The following NTRK2 variants were observed in gnomAD, a reference collection of about 807,000 sequenced individuals.
NTRK2 encodes the protein neurotrophic receptor tyrosine kinase 2.
A neutral mutation model predicts 94.5 loss-of-function variants in NTRK2; 13 were observed. That is an observed-to-expected ratio of 0.14 (90% confidence interval 0.09 to 0.22). The LOEUF (loss-of-function observed/expected upper bound fraction) is 0.22. Among genes scored for constraint, NTRK2 ranks in the 10% least tolerant of loss-of-function variants. The pLI is 1.00. For synonymous variants in NTRK2, 372 were observed against 407.4 expected (o/e 0.91, Z 1.05); for missense variants, 639 against 1,071.2 (o/e 0.60, Z 5.63).
intron 14 of NTRK2, among the ~76,000 whole-genome samples, chr9:84,912,654 T>C (rs1444751110): frequency 2.1e-5 from 3 of 145,288 alleles, no homozygotes; most frequent in Non-Finnish European, 4.5e-5. Flanking sequence ...AGTCTCACTC[T>C]GTCACCCAGG....
intron 9 of NTRK2, 52 bp downstream of exon 9, chr9:84,728,011 C>G: frequency 6.5e-7 from 1 of 1,541,114 alleles, no homozygotes; most frequent in African/African-American, 1.4e-5. Context: ...CTATCATTCA[C>G]CTGTTGACAA....
chr9:84,703,707 G>T (rs907623476), intron 4 of NTRK2, among the ~76,000 whole-genome samples: 3 of 152,170 alleles, frequency 2.0e-5, no homozygotes, highest in African/African-American at 4.8e-5. Flanking sequence ...TGGCATTAAT[G>T]ATGAAGTCAC....
At chr9:84,954,331 C>T (rs1823840320) in intron 16 of NTRK2, among the ~76,000 whole-genome samples, 1 of 152,166 alleles carries the variant, frequency 6.6e-6, no homozygotes, top group Non-Finnish European at 1.5e-5. Flanking sequence ...GAGCCTGCCG[C>T]GCTGAGGGCG....
At chr9:84,810,982 TA>T (rs903841770) in intron 12 of NTRK2, 149 of 1,110,684 alleles carry the variant, frequency 1.3e-4, no homozygotes, top group South Asian at 4.5e-4. Flanking sequence ...CCTGCAAAGT[TA>T]AAAAAAAATT....
intron 12 of NTRK2, among the ~76,000 whole-genome samples, chr9:84,818,663 CT>C (rs2072583430): frequency 6.6e-6 from 1 of 152,206 alleles, no homozygotes; most frequent in African/African-American, 2.4e-5. Flanking sequence ...GATGGATTTG[CT>C]GTTTTTTATT....
At chr9:84,729,048 TG>T (rs2062657397) in intron 9 of NTRK2, among the ~76,000 whole-genome samples, 1 of 152,140 alleles carries the variant, frequency 6.6e-6, no homozygotes, top group African/African-American at 2.4e-5. Context: ...AATAGAACCC[TG>T]GGGAGACTTG....
At chr9:84,724,452 TA>T (rs1267888340) in intron 8 of NTRK2, 96 bp downstream of exon 8, 5 of 1,429,654 alleles carry the variant, frequency 3.5e-6, no homozygotes, top group South Asian at 2.3e-5. Flanking sequence ...TTAAATTTGT[TA>T]AAAAAAGTAT....
intron 12 of NTRK2, among the ~76,000 whole-genome samples, chr9:84,789,749 C>T (rs901073122): frequency 2.6e-5 from 4 of 152,088 alleles, no homozygotes; most frequent in East Asian, 1.9e-4. Context: ...GCCCTCTGGC[C>T]GCAGAGATTG....
intron 9 of NTRK2, among the ~76,000 whole-genome samples, chr9:84,729,100 C>A (rs2062660860): frequency 6.6e-6 from 1 of 152,126 alleles, no homozygotes; most frequent in African/African-American, 2.4e-5. Flanking sequence ...CTGTGTGGCT[C>A]CCAGGGCCCC....
chr9:85,019,095 G>A (rs1172734359), intron 17 of NTRK2, among the ~76,000 whole-genome samples: 2 of 152,074 alleles, frequency 1.3e-5, no homozygotes, highest in African/African-American at 4.8e-5. Context: ...TCAGCCTCTT[G>A]GGTTCTGGGG....
intron 12 of NTRK2, among the ~76,000 whole-genome samples, chr9:84,828,853 G>T (rs1056208857): frequency 6.6e-6 from 1 of 152,164 alleles, no homozygotes; most frequent in Non-Finnish European, 1.5e-5. Context: ...TAGGCTCCTG[G>T]GGACTGTGTC....
At chr9:84,899,441 A>C (rs1365069741) in intron 14 of NTRK2, among the ~76,000 whole-genome samples, 1 of 152,162 alleles carries the variant, frequency 6.6e-6, no homozygotes, top group Non-Finnish European at 1.5e-5. Flanking sequence ...TTACACCACT[A>C]ATCCTTATCC....
At chr9:85,008,344 T>C (rs964168055) in intron 17 of NTRK2, among the ~76,000 whole-genome samples, 1 of 152,068 alleles carries the variant, frequency 6.6e-6, no homozygotes, top group African/African-American at 2.4e-5. Context: ...GCACTAACTA[T>C]AGGTTGGTGC....
chr9:84,851,199 C>T (rs1317856545), intron 12 of NTRK2, among the ~76,000 whole-genome samples: 2 of 152,116 alleles, frequency 1.3e-5, no homozygotes. Context: ...AAAATCGCCC[C>T]CGTTTGAGAA....
At chr9:84,922,746 C>T (rs923406749) in intron 14 of NTRK2, among the ~76,000 whole-genome samples, 8 of 152,228 alleles carry the variant, frequency 5.3e-5, no homozygotes, top group Admixed American at 2.6e-4. Flanking sequence ...CAACCATTGA[C>T]TTCCCCTTCC....
chr9:85,005,614 A>G (rs1382009491), intron 17 of NTRK2, among the ~76,000 whole-genome samples: 1 of 152,212 alleles, frequency 6.6e-6, no homozygotes, highest in East Asian at 1.9e-4. Context: ...TGTGCTTATT[A>G]TACAGAACCC....
intron 14 of NTRK2, among the ~76,000 whole-genome samples, chr9:84,894,297 G>A (rs539186186): frequency 1.3e-5 from 2 of 152,218 alleles, no homozygotes; most frequent in Admixed American, 6.5e-5. Flanking sequence ...GTAGTTTAAC[G>A]CGACACAGTT....
chr9:84,860,745 G>C (rs1163642196), intron 12 of NTRK2, among the ~76,000 whole-genome samples: 2 of 152,074 alleles, frequency 1.3e-5, no homozygotes, highest in Non-Finnish European at 2.9e-5. Context: ...TTAACCCTGG[G>C]TTGTGGCTAT....
rs1221783716 is a variant in NTRK2 at position 84,742,789 on chromosome 9, G to GCTTTTTT, written c.1195+862_1195+863insCTTTTTT. Among the ~76,000 whole-genome samples the GCTTTTTT allele has an allele frequency of 6.9e-4, 72 of 103,674 alleles. 3 individuals carry two copies. The highest frequency in any genetic ancestry group is 2.8e-3 in the African/African-American group (70 of 24,860). 68.0% of individuals were successfully genotyped at this position (103,674 alleles called of 152,430 possible). On this transcript the variant is annotated intron_variant, in intron 10 of 18. Coordinates refer to ENST00000277120, the MANE Select transcript of NTRK2 (RefSeq NM_006180.6). Reference sequence around the variant, plus strand: ...AAAGAAACCAAAGTCCATTATATTAGTTTTTTTTTTTTTTTTTTTTTTTTT... The same window carrying GCTTTTTT: ...AAAGAAACCAAAGTCCATTATATTAGCTTTTTTTTTTTTTTTTTTTTTTTTTTTTTTT...
Sources: gnomAD v4.1 joint callset for allele counts (sites outside exome capture counted in the v4.1 genomes callset) on GRCh38, gnomAD v4.1.1 for gene constraint, MANE v1.5 for transcripts, NCBI Gene and HGNC (gene_info 2026-07-23, HGNC 2026-07-21) for gene names.